Variants in CYSTM1 observed in about 807,000 individuals in gnomAD.
CYSTM1 encodes cysteine-rich transmembrane module-containing protein 1.
Under a neutral mutation model 13.1 loss-of-function variants are expected in CYSTM1, and 4 were observed. The observed-to-expected ratio is 0.31, with a 90% CI of 0.15 to 0.70. CYSTM1 has a LOEUF of 0.70. Among genes scored for constraint, CYSTM1 ranks in the 30% least tolerant of loss-of-function variants. The probability of loss-of-function intolerance (pLI) is 0.72; values close to 1 mark genes in which losing one functional copy is unlikely to be tolerated. For synonymous variants in CYSTM1, 36 were observed against 42.7 expected, an observed-to-expected ratio of 0.84 and a Z score of 0.62; for missense variants, 96 against 121.6, an observed-to-expected ratio of 0.79 and a Z score of 0.99.
intron 2 of CYSTM1, among the ~76,000 whole-genome samples, chr5:140,196,992 G>GC (rs1764166647): frequency 2.0e-5 from 3 of 152,254 alleles, no homozygotes; most frequent in African/African-American, 7.2e-5. Flanking sequence ...TGTGTACTTT[G>GC]CTGTACGTTT....
intron 2 of CYSTM1, among the ~76,000 whole-genome samples, chr5:140,210,425 C>G (rs1223868031): frequency 6.6e-6 from 1 of 152,200 alleles, no homozygotes; most frequent in Non-Finnish European, 1.5e-5. Context: ...GAAAATGTCT[C>G]TAGACATTAC....
chr5:140,214,326 T>A (rs976159840), intron 2 of CYSTM1, among the ~76,000 whole-genome samples: 3 of 152,238 alleles, frequency 2.0e-5, no homozygotes, highest in Non-Finnish European at 2.9e-5. Flanking sequence ...TTTGGTCAGG[T>A]ACTTTATGTA....
intron 1 of CYSTM1, among the ~76,000 whole-genome samples, chr5:140,187,996 A>G (rs1764038394): frequency 6.6e-6 from 1 of 152,166 alleles, no homozygotes; most frequent in East Asian, 1.9e-4. Flanking sequence ...ATAAGTAATG[A>G]GAAGGCAAAT....
At chr5:140,218,015 C>T (rs776690463) in intron 2 of CYSTM1, among the ~76,000 whole-genome samples, 1 of 152,104 alleles carries the variant, frequency 6.6e-6, no homozygotes, top group Non-Finnish European at 1.5e-5. Flanking sequence ...CCTGTTCAAT[C>T]ATGGGAGAAA....
chr5:140,234,800 G>A (rs557417442), intron 2 of CYSTM1, among the ~76,000 whole-genome samples: 5 of 152,152 alleles, frequency 3.3e-5, no homozygotes, highest in Admixed American at 6.6e-5. Context: ...TTCTGAGCAG[G>A]TCATGAGCAA....
chr5:140,235,862 G>T (rs576999887), intron 2 of CYSTM1, among the ~76,000 whole-genome samples: 1 of 152,294 alleles, frequency 6.6e-6, no homozygotes, highest in East Asian at 1.9e-4. Flanking sequence ...TCTAGCAGAA[G>T]AGTGGGTGCT....
chr5:140,222,386 TG>T (rs1285699532), intron 2 of CYSTM1, among the ~76,000 whole-genome samples: 4 of 152,200 alleles, frequency 2.6e-5, no homozygotes, highest in African/African-American at 9.6e-5. Flanking sequence ...AGGACACACT[TG>T]GGTGATAATT....
At chr5:140,187,489 C>T (rs1764032419) in intron 1 of CYSTM1, among the ~76,000 whole-genome samples, 1 of 152,094 alleles carries the variant, frequency 6.6e-6, no homozygotes, top group Admixed American at 6.5e-5. Flanking sequence ...CTCAGTCTCC[C>T]CCAGGTAGCT....
intron 1 of CYSTM1, among the ~76,000 whole-genome samples, chr5:140,186,897 G>A (rs1220529186): frequency 2.6e-5 from 4 of 152,046 alleles, no homozygotes; most frequent in African/African-American, 7.2e-5. Context: ...AGGCTGAGGC[G>A]GGCAGATTGC....
chr5:140,216,971 C>A (rs1235348972), intron 2 of CYSTM1, among the ~76,000 whole-genome samples: 1 of 152,106 alleles, frequency 6.6e-6, no homozygotes, highest in South Asian at 2.1e-4. Context: ...AGTCATCAGG[C>A]CCTTTCTCCA....
chr5:140,194,579 T>A lies in CYSTM1; in HGVS notation c.114T>A (p.Pro38=). Residue 38 remains proline, a synonymous_variant, in exon 2 of 3, where the codon CCT becomes CCA. Coordinates refer to ENST00000261811, the MANE Select transcript of CYSTM1 (RefSeq NM_032412.4). ...PGPMGGPYPP[P]QGYPYQGYPQ... ...CTATGGGGGGACCCTACCCACCTCCTCAAGGGTACCCCTACCAAGGATACC... is the reference window on the plus strand; with the variant it reads ...CTATGGGGGGACCCTACCCACCTCCACAAGGGTACCCCTACCAAGGATACC... The A allele has an allele frequency of 3.1e-6, 5 of 1,613,586 alleles. No individual in the cohort carries two copies. Among genetic ancestry groups the A allele is most frequent in the Non-Finnish European group, 4.2e-6 (5 of 1,179,720 alleles).
chr5:140,233,124 G>T (rs540394474), intron 2 of CYSTM1, among the ~76,000 whole-genome samples: 1 of 152,292 alleles, frequency 6.6e-6, no homozygotes, highest in African/African-American at 2.4e-5. Flanking sequence ...TGCTGTGGTT[G>T]AGGCAAAGAG....
intron 2 of CYSTM1, among the ~76,000 whole-genome samples, chr5:140,241,359 G>A (rs533623870): frequency 2.1e-3 from 323 of 152,328 alleles, no homozygotes; most frequent in South Asian, 0.017. Context: ...TGCCCCACAC[G>A]GCGGTCATGA....
intron 2 of CYSTM1, among the ~76,000 whole-genome samples, chr5:140,199,593 C>A (rs527873017): frequency 6.6e-6 from 1 of 152,122 alleles, no homozygotes; most frequent in Admixed American, 6.5e-5. Context: ...GGGGTTCAAG[C>A]GATTCTCCTG....
chr5:140,239,484 C>T lies in CYSTM1; in HGVS notation c.188-3821C>T, dbSNP rs1202627106. Among the ~76,000 whole-genome samples the T allele has an allele frequency of 6.6e-6, 1 of 152,204 alleles. No homozygotes were observed. The highest frequency in any genetic ancestry group is 2.4e-5 in the African/African-American group (1 of 41,466). ...GCACTGGTGGCCCTGGAGAAGACCC[C>T]AGGGCTTGTTGGACAGGCCTGGCAT... On this transcript the variant is annotated intron_variant, in intron 2 of 2. Transcript: ENST00000261811. This position sits in a 1 kb window ranked among gnomAD's most constrained non-coding sequence, Gnocchi z 5.4.
intron 2 of CYSTM1, chr5:140,202,145 A>C (rs1764241787): frequency 6.6e-6 from 1 of 152,132 alleles, no homozygotes; most frequent in South Asian, 2.1e-4. Flanking sequence ...TGTATTGGCC[A>C]GGCTGGTCTC....
chr5:140,198,000 T>C (rs1764176847), intron 2 of CYSTM1, among the ~76,000 whole-genome samples: 1 of 152,186 alleles, frequency 6.6e-6, no homozygotes, highest in Non-Finnish European at 1.5e-5. Flanking sequence ...CTTTTGTTTT[T>C]TTAAGAAGCC....
At chr5:140,185,634 C>T (rs986019044) in intron 1 of CYSTM1, among the ~76,000 whole-genome samples, 4 of 152,222 alleles carry the variant, frequency 2.6e-5, no homozygotes, top group Admixed American at 2.6e-4. Flanking sequence ...CCACGTTATG[C>T]TGACTATCAG....
At position 140,239,723 on chromosome 5, in the gene CYSTM1, G is replaced by A. The variant is rs1302791955; in HGVS notation, c.188-3582G>A. ...CCCACACTTGTGTTTGCATCCATGT[G>A]GCAAAGCTCTGGGTGCCTGCCCCTC... On this transcript the variant is annotated intron_variant, in intron 2 of 2. Transcript: ENST00000261811. This position sits in a 1 kb window ranked among gnomAD's most constrained non-coding sequence, Gnocchi z 5.4. Among the ~76,000 whole-genome samples, 1 of 152,210 alleles carries A rather than the reference G, an allele frequency of 6.6e-6. No individual in the cohort carries two copies. The highest frequency in any genetic ancestry group is 2.4e-5 in the African/African-American group (1 of 41,452).
Sources: allele counts gnomAD v4.1 joint callset (sites outside exome capture counted in the v4.1 genomes callset), GRCh38; gene constraint gnomAD v4.1.1; non-coding constraint Gnocchi (gnomAD v3.1); transcripts MANE v1.5; gene names NCBI Gene and HGNC (gene_info 2026-07-23, HGNC 2026-07-21).